Variants in GLB1L3 observed in about 807,000 individuals in gnomAD.
The protein encoded by GLB1L3 is galactosidase beta 1 like 3.
Under a neutral mutation model 89.5 loss-of-function variants are expected in GLB1L3, and 89 were observed. The ratio of observed to expected loss-of-function variants is 0.99; its 90% confidence interval spans 0.84 to 1.19. The LOEUF is 1.19. Among genes scored for constraint, GLB1L3 ranks in the 50% most tolerant of loss-of-function variants. The pLI, the probability that GLB1L3 is intolerant of heterozygous loss-of-function variation, is 0.00. For missense variants in GLB1L3, 812 were observed against 813.3 expected (o/e 1.00, Z 0.02); for synonymous variants, 314 against 312.3 (o/e 1.01, Z -0.06).
intron 10 of GLB1L3, 58 bp downstream of exon 10, chr11:134,307,266 T>TG: frequency 2.4e-6 from 3 of 1,225,220 alleles, no homozygotes; most frequent in Non-Finnish European, 3.6e-6. Flanking sequence ...CCATGAGAAC[T>TG]CATTCATACA....
At chr11:134,308,405 CACCACCACCACCAT>C (rs1942434652) in intron 10 of GLB1L3, among the ~76,000 whole-genome samples, 5 of 103,248 alleles carry the variant, frequency 4.8e-5, no homozygotes, top group Admixed American at 1.0e-4. Flanking sequence ...CCATCACCAT[CACCACCACCACCAT>C]CATCACCATC....
At chr11:134,292,934 T>G in intron 8 of GLB1L3, 2 of 615,960 alleles carry the variant, frequency 3.2e-6, no homozygotes, top group Non-Finnish European at 5.8e-6. Context: ...GTGGTTAATT[T>G]CAACAGTGGG....
chr11:134,290,598 A>G (rs938590876), intron 7 of GLB1L3, among the ~76,000 whole-genome samples: 7 of 125,792 alleles, frequency 5.6e-5, no homozygotes, highest in African/African-American at 1.4e-4. Flanking sequence ...AGAAAAGAAA[A>G]AAAAAGAAAA....
rs533640257 is a variant in GLB1L3, at chr11:134,307,169, G to A, written c.922G>A (p.Asp308Asn). The change falls in exon 10 of 20, where the codon GAC (aspartate) becomes AAC (asparagine). Residue 308 changes from aspartate (D) to asparagine (N), a missense_variant. By Grantham distance (23) the Asp-to-Asn change is conservative. This residue lies in a region of GLB1L3 where 618 missense variants were observed against 604.0 expected (regional missense o/e 1.02). Transcript: ENST00000431683. Reference sequence around the variant, plus strand: ...TATGGAATACTGGGTCGGCTGGTTCGACAGATGGGGAGATAAGCACCATGT... The same window carrying A: ...TATGGAATACTGGGTCGGCTGGTTCAACAGATGGGGAGATAAGCACCATGT... Reference protein sequence around the residue: ...LIMEYWVGWFDRWGDKHHVKD... With the variant: ...LIMEYWVGWFNRWGDKHHVKD... 36 of 1,613,604 alleles carry A rather than the reference G, an allele frequency of 2.2e-5. No individual in the cohort carries two copies. The East Asian group carries it at 4.7e-4, about 21-fold the overall frequency.
intron 9 of GLB1L3, among the ~76,000 whole-genome samples, chr11:134,301,095 T>G (rs1327632295): frequency 6.6e-6 from 1 of 152,206 alleles, no homozygotes; most frequent in East Asian, 1.9e-4. Context: ...CAGCACTTCT[T>G]TAATATGATC....
chr11:134,276,871 C>T, intron 1 of GLB1L3, 108 bp downstream of exon 1: 1 of 951,340 alleles, frequency 1.1e-6, no homozygotes, highest in Non-Finnish European at 1.4e-6. Flanking sequence ...AGGCACGCGC[C>T]GCGCCGGGCC....
intron 18 of GLB1L3, among the ~76,000 whole-genome samples, chr11:134,316,093 T>C (rs1366345384): frequency 6.6e-6 from 1 of 152,144 alleles, no homozygotes; most frequent in Admixed American, 6.5e-5. Flanking sequence ...ATTTTCATTA[T>C]CCTATAAACA....
chr11:134,290,603 A>AG (rs1941306586), intron 7 of GLB1L3, among the ~76,000 whole-genome samples: 1 of 116,304 alleles, frequency 8.6e-6, no homozygotes. Flanking sequence ...AGAAAAAAAA[A>AG]GAAAAAGAAA....
downstream of GLB1L3, among the ~76,000 whole-genome samples, chr11:134,321,346 T>C (rs1003032188): frequency 8.0e-5 from 12 of 150,754 alleles, no homozygotes; most frequent in Non-Finnish European, 1.5e-5. Flanking sequence ...GGAGGATAAA[T>C]AGAGTAAGAA....
intron 18 of GLB1L3, chr11:134,316,837 T>C (rs1943003929): frequency 6.6e-6 from 1 of 152,274 alleles, no homozygotes; most frequent in African/African-American, 2.4e-5. Context: ...GAAGGTCACA[T>C]GCTTCACAAG....
Position 134,281,439 on chromosome 11 carries a change from A to G in GLB1L3, c.425A>G (p.Asp142Gly), listed in dbSNP as rs1210035083. 1.2e-6 allele frequency: 2 copies of G among 1,612,874 alleles called. No individual in the cohort carries two copies. The highest frequency in any genetic ancestry group is 1.7e-6 in the Non-Finnish European group (2 of 1,179,358). Residue 142 changes from aspartate (D) to glycine (G), a missense_variant, in exon 4 of 20, where the codon GAC becomes GGC. Physicochemically the swap from Asp to Gly is moderately conservative, Grantham distance 94. Around this residue, in one of 3 missense-constraint regions of GLB1L3, gnomAD observed 191 missense variants for 191.4 expected, o/e 1.00. Coordinates refer to ENST00000431683, the MANE Select transcript of GLB1L3 (RefSeq NM_001080407.3). ...RGKFDFSGNL[D>G]LEAFVLMAAE... is the part of the protein sequence containing the mutation. ...AAATTTGACTTCTCTGGGAACCTGG[A>G]CCTGGAGTATGTGGTGTTGCTGCTT...
chr11:134,295,302 TTTAAG>T (rs1250558232), intron 9 of GLB1L3, among the ~76,000 whole-genome samples: 1 of 152,180 alleles, frequency 6.6e-6, no homozygotes, highest in Admixed American at 6.5e-5. Context: ...CACAGGAAAA[TTTAAG>T]TTATTTCTTC....
At chr11:134,308,419 TCATCACCATC>T (rs1942441266) in intron 10 of GLB1L3, among the ~76,000 whole-genome samples, 1 of 19,802 alleles carries the variant, frequency 5.0e-5, no homozygotes, top group Non-Finnish European at 9.2e-5. Context: ...ACCACCACCA[TCATCACCATC>T]ACCACCACCA....
rs1482178414 is a variant in GLB1L3 at position 134,277,469 on chromosome 11, A to C, written c.149+18A>C. ...CAGCCTAGGTTTGCTTGAGAGCTACATCCCTGGGGAGGGAGGGGAGCGATC... is the reference window on the plus strand; with the variant it reads ...CAGCCTAGGTTTGCTTGAGAGCTACCTCCCTGGGGAGGGAGGGGAGCGATC... On this transcript the variant is annotated intron_variant, in intron 2 of 19. Transcript: ENST00000431683. The C allele has an allele frequency of 3.7e-6, 6 of 1,607,442 alleles. No individual in the cohort carries two copies. Among genetic ancestry groups the C allele is most frequent in the African/African-American group, 1.3e-5 (1 of 74,574 alleles).
At chr11:134,311,546 A>G (rs574570424) in intron 13 of GLB1L3, 1 of 182,988 alleles carries the variant, frequency 5.5e-6, no homozygotes, top group African/African-American at 2.4e-5. Context: ...TTCCTGGGTC[A>G]CTGCTCCCCC....
At chr11:134,291,273 C>CTT (rs11344045) in intron 7 of GLB1L3, among the ~76,000 whole-genome samples, 1,870 of 142,104 alleles carry the variant, frequency 0.013, 48 homozygotes, top group African/African-American at 0.046. Flanking sequence ...CTCCCATATG[C>CTT]TTTTTTTTTT....
intron 6 of GLB1L3, among the ~76,000 whole-genome samples, chr11:134,284,048 T>C (rs1591536734): frequency 6.6e-6 from 1 of 152,138 alleles, no homozygotes; most frequent in Admixed American, 6.5e-5. Flanking sequence ...TTCCCCAGGG[T>C]TGCTAGAAAG....
At chr11:134,288,420 C>A (rs1941138211) in intron 6 of GLB1L3, among the ~76,000 whole-genome samples, 1 of 152,202 alleles carries the variant, frequency 6.6e-6, no homozygotes, top group Admixed American at 6.5e-5. Flanking sequence ...CGTTCCTGAT[C>A]AGGCAGCGGA....
intron 10 of GLB1L3, among the ~76,000 whole-genome samples, chr11:134,308,312 T>TCACCATCACCATCACCATCACC (rs1942389631): frequency 5.1e-5 from 1 of 19,618 alleles, no homozygotes; most frequent in Non-Finnish European, 1.0e-4. Flanking sequence ...CCACCACCAC[T>TCACCATCACCATCACCATCACC]ACCACCACCA....
Sources: allele counts gnomAD v4.1 joint callset (sites outside exome capture counted in the v4.1 genomes callset), GRCh38; gene constraint gnomAD v4.1.1; regional missense constraint gnomAD v4.1.1; transcripts MANE v1.5; gene names NCBI Gene and HGNC (gene_info 2026-07-23, HGNC 2026-07-21).